The following UNC5D variants were observed in gnomAD, a reference collection of about 807,000 sequenced individuals.
UNC5D encodes the protein unc-5 netrin receptor D.
UNC5D carries 39 observed loss-of-function variants against 105.4 expected under a neutral mutation model. The observed-to-expected ratio is 0.37, with a 90% CI of 0.29 to 0.48. The LOEUF is 0.48. Among genes scored for constraint, UNC5D ranks in the 20% least tolerant of loss-of-function variants. The pLI, the probability that UNC5D is intolerant of heterozygous loss-of-function variation, is 0.98. For synonymous variants in UNC5D, 452 were observed against 450.4 expected (o/e 1.00, Z -0.04); for missense variants, 991 against 1,202.4 (o/e 0.82, Z 2.60).
chr8:35,270,396 T>A (rs1199522054), intron 1 of UNC5D, among the ~76,000 whole-genome samples: 1 of 152,176 alleles, frequency 6.6e-6, no homozygotes, highest in Non-Finnish European at 1.5e-5. Context: ...TCCATCTACT[T>A]TTCAGTGGAA....
chr8:35,371,268 T>A (rs1802413726), intron 1 of UNC5D, among the ~76,000 whole-genome samples: 1 of 152,154 alleles, frequency 6.6e-6, no homozygotes, highest in African/African-American at 2.4e-5. Flanking sequence ...TTATGTTTCA[T>A]ACTTCATATG....
At chr8:35,455,691 AAG>A (rs1757945393) in intron 1 of UNC5D, among the ~76,000 whole-genome samples, 1 of 152,108 alleles carries the variant, frequency 6.6e-6, no homozygotes, top group African/African-American at 2.4e-5. Flanking sequence ...AAAAAAAACA[AAG>A]AGCTGTAATG....
chr8:35,258,470 C>A (rs1436642929), intron 1 of UNC5D, among the ~76,000 whole-genome samples: 1 of 152,162 alleles, frequency 6.6e-6, no homozygotes, highest in Non-Finnish European at 1.5e-5. Flanking sequence ...CTTTTTAGTA[C>A]TTATGAGCTG....
At chr8:35,277,864 C>G (rs1403725222) in intron 1 of UNC5D, among the ~76,000 whole-genome samples, 1 of 152,148 alleles carries the variant, frequency 6.6e-6, no homozygotes, top group Admixed American at 6.5e-5. Context: ...GTAGCAATTA[C>G]AGTGGGTTCT....
chr8:35,786,926 A>C (rs1802772858), intron 16 of UNC5D, among the ~76,000 whole-genome samples: 1 of 152,330 alleles, frequency 6.6e-6, no homozygotes, highest in South Asian at 2.1e-4. Context: ...GGTCTGAAAA[A>C]AAATCAAAAG....
intron 4 of UNC5D, among the ~76,000 whole-genome samples, chr8:35,652,597 A>G (rs1823486812): frequency 6.6e-6 from 1 of 152,024 alleles, no homozygotes. Context: ...CCCAGAGAGA[A>G]ATTATTATGA....
chr8:35,310,497 G>A (rs993840493), intron 1 of UNC5D, among the ~76,000 whole-genome samples: 1 of 152,076 alleles, frequency 6.6e-6, no homozygotes, highest in African/African-American at 2.4e-5. Flanking sequence ...ACGCATCCCT[G>A]TAATCCCACC....
chr8:35,692,479 A>G (rs1826474270), intron 7 of UNC5D, among the ~76,000 whole-genome samples: 1 of 152,206 alleles, frequency 6.6e-6, no homozygotes, highest in African/African-American at 2.4e-5. Flanking sequence ...CACATTTAAA[A>G]CAACTTATTT....
At chr8:35,292,989 C>A (rs985856491) in intron 1 of UNC5D, among the ~76,000 whole-genome samples, 2 of 151,988 alleles carry the variant, frequency 1.3e-5, no homozygotes, top group African/African-American at 4.8e-5. Flanking sequence ...TGCCTGGCTG[C>A]TGTATTCTTA....
intron 1 of UNC5D, among the ~76,000 whole-genome samples, chr8:35,539,467 T>A (rs1277010696): frequency 6.6e-6 from 1 of 152,194 alleles, no homozygotes; most frequent in Non-Finnish European, 1.5e-5. Context: ...CAAAAGTTAG[T>A]TGTCAATTTA....
chr8:35,454,200 T>C (rs1351559489), intron 1 of UNC5D, among the ~76,000 whole-genome samples: 1 of 151,914 alleles, frequency 6.6e-6, no homozygotes, highest in Non-Finnish European at 1.5e-5. Context: ...GCAATAAGGG[T>C]TCTCAAACCT....
At chr8:35,755,310 AG>A (rs1361432879) in intron 13 of UNC5D, among the ~76,000 whole-genome samples, 1 of 152,192 alleles carries the variant, frequency 6.6e-6, no homozygotes, top group Non-Finnish European at 1.5e-5. Flanking sequence ...ACTCCTATAC[AG>A]TACTCTTGGT....
chr8:35,443,009 G>A (rs1255537170), intron 1 of UNC5D, among the ~76,000 whole-genome samples: 1 of 151,490 alleles, frequency 6.6e-6, no homozygotes, highest in Non-Finnish European at 1.5e-5. Flanking sequence ...TATAGGTGAG[G>A]ACCATTAGGA....
At position 35,414,806 on chromosome 8, in the gene UNC5D, A is replaced by G. The variant is rs186987817; in HGVS notation, c.104-134486A>G. On this transcript the variant is annotated intron_variant, in intron 1 of 16. Transcript: ENST00000404895. The stretch of plus-strand genomic sequence containing the variant: ...TTCCTAGCTTTCCTTCAACTCTTGG[A>G]GGGTCAGTTTTCCAAATCATAATAA... 6.5e-3 allele frequency among the ~76,000 whole-genome samples: 990 copies of G among 152,202 alleles called. 4 individuals carry two copies. Among genetic ancestry groups the G allele is most frequent in the Middle Eastern group, 0.014 (4 of 294 alleles).
chr8:35,260,275 T>C (rs111590384), intron 1 of UNC5D, among the ~76,000 whole-genome samples: 4 of 152,250 alleles, frequency 2.6e-5, no homozygotes, highest in South Asian at 2.1e-4. Context: ...AGTAGACACC[T>C]CTGGAGCGGT....
intron 1 of UNC5D, chr8:35,525,187 G>A (rs1230735405): frequency 5.0e-6 from 8 of 1,610,572 alleles, no homozygotes; most frequent in Non-Finnish European, 6.8e-6. Context: ...CAGGATGACA[G>A]GGCAGCCTCC....
At chr8:35,628,124 C>G (rs200919953) in intron 4 of UNC5D, among the ~76,000 whole-genome samples, 3 of 120,340 alleles carry the variant, frequency 2.5e-5, no homozygotes, top group Admixed American at 2.3e-4. Context: ...TATTTATTTA[C>G]TTACTTACTT....
Position 35,577,367 on chromosome 8 carries a change from T to G in UNC5D, c.466+9126T>G, listed in dbSNP as rs572293547. ...TGGATAAGTTCCTGATCTTCCTTTG[T>G]CTTTGATGATGTTGTGTTTTTGGAG... On this transcript the variant is annotated intron_variant, in intron 3 of 16. Coordinates refer to ENST00000404895, the MANE Select transcript of UNC5D (RefSeq NM_080872.4). Among the ~76,000 whole-genome samples, 7 of 152,368 alleles carry G rather than the reference T, an allele frequency of 4.6e-5. No individual in the cohort carries two copies. In the South Asian group the frequency reaches 1.4e-3, roughly 32 times the overall value.
At chr8:35,497,444 C>A (rs1563474245) in intron 1 of UNC5D, among the ~76,000 whole-genome samples, 2 of 152,148 alleles carry the variant, frequency 1.3e-5, no homozygotes, top group Non-Finnish European at 2.9e-5. Context: ...TCACGAACCC[C>A]ATCACATTTA....
Sources: gnomAD v4.1 joint callset for allele counts (sites outside exome capture counted in the v4.1 genomes callset) on GRCh38, gnomAD v4.1.1 for gene constraint, MANE v1.5 for transcripts, NCBI Gene and HGNC (gene_info 2026-07-23, HGNC 2026-07-21) for gene names.